The following KIAA0825 variants were observed in gnomAD, a reference collection of about 807,000 sequenced individuals.
KIAA0825 encodes the protein KIAA0825.
A neutral mutation model predicts 147.6 loss-of-function variants in KIAA0825; 119 were observed. The ratio of observed to expected loss-of-function variants is 0.81; its 90% CI spans 0.69 to 0.94. The LOEUF (loss-of-function observed/expected upper bound fraction) is 0.94. Ranked by LOEUF, KIAA0825 falls within the 40% of genes least tolerant of loss-of-function variation. The pLI is 0.00. For missense variants in KIAA0825, 1,381 were observed against 1,472.7 expected, an observed-to-expected ratio of 0.94 and a Z score of 1.02; for synonymous variants, 470 against 518.1, an observed-to-expected ratio of 0.91 and a Z score of 1.26.
At chr5:94,411,251 A>G (rs766943268) in intron 15 of KIAA0825, among the ~76,000 whole-genome samples, 121 of 152,066 alleles carry the variant, frequency 8.0e-4, no homozygotes, top group Non-Finnish European at 1.5e-3. Context: ...ACTGACAAAT[A>G]CTCAACTCAT....
intron 12 of KIAA0825, among the ~76,000 whole-genome samples, chr5:94,460,697 G>T (rs898052646): frequency 3.3e-5 from 5 of 151,996 alleles, no homozygotes; most frequent in Non-Finnish European, 7.4e-5. Flanking sequence ...CAATAAGTCA[G>T]TAGAGTTCTT....
intron 14 of KIAA0825, among the ~76,000 whole-genome samples, chr5:94,432,284 C>T (rs901889284): frequency 2.0e-5 from 3 of 152,118 alleles, no homozygotes; most frequent in African/African-American, 7.2e-5. Flanking sequence ...TAATCTCAGG[C>T]CCCACCCATG....
chr5:94,495,033 C>T (rs377027813), intron 5 of KIAA0825, among the ~76,000 whole-genome samples: 12 of 152,280 alleles, frequency 7.9e-5, no homozygotes, highest in South Asian at 4.1e-4. Flanking sequence ...AGAAGTGGCA[C>T]GTTTTTCCTC....
At chr5:94,477,230 C>A in intron 6 of KIAA0825, 25 bp from the exon 7 acceptor site, 1 of 1,361,990 alleles carries the variant, frequency 7.3e-7, no homozygotes, top group East Asian at 2.5e-5. Flanking sequence ...AGAAAACAAA[C>A]ACACTAATAT....
chr5:94,221,639 A>G (rs1773674168), intron 20 of KIAA0825, among the ~76,000 whole-genome samples: 1 of 151,976 alleles, frequency 6.6e-6, no homozygotes, highest in African/African-American at 2.4e-5. Context: ...CCATGAGTCC[A>G]CTCTGTCACA....
intron 8 of KIAA0825, among the ~76,000 whole-genome samples, 195 bp downstream of exon 8, chr5:94,473,097 A>C (rs1761421790): frequency 6.6e-6 from 1 of 152,186 alleles, no homozygotes; most frequent in Admixed American, 6.5e-5. Context: ...TGGAGCAACA[A>C]GTTAGCACCA....
At chr5:94,550,508 A>G (rs1207782534) in intron 2 of KIAA0825, among the ~76,000 whole-genome samples, 1 of 152,322 alleles carries the variant, frequency 6.6e-6, no homozygotes, top group East Asian at 1.9e-4. Context: ...AGAAATCAAC[A>G]TAGGGACATA....
chr5:94,595,105 T>C (rs913532099), intron 1 of KIAA0825, among the ~76,000 whole-genome samples: 2 of 152,168 alleles, frequency 1.3e-5, no homozygotes, highest in African/African-American at 2.4e-5. Flanking sequence ...TTCTGGGGTC[T>C]GAAGGATGGT....
At chr5:94,435,793 G>T (rs1418218988) in intron 14 of KIAA0825, among the ~76,000 whole-genome samples, 1 of 152,050 alleles carries the variant, frequency 6.6e-6, no homozygotes, top group Non-Finnish European at 1.5e-5. Flanking sequence ...GTTATTTTCT[G>T]ACTTTTTAAT....
chr5:94,562,029 G>A (rs991960704), intron 2 of KIAA0825, among the ~76,000 whole-genome samples: 2 of 152,128 alleles, frequency 1.3e-5, no homozygotes, highest in Non-Finnish European at 2.9e-5. Context: ...ATTGTGAAAG[G>A]TAGGAAGCTA....
intron 20 of KIAA0825, among the ~76,000 whole-genome samples, chr5:94,187,626 C>T (rs1210785353): frequency 6.6e-6 from 1 of 151,838 alleles, no homozygotes; most frequent in Non-Finnish European, 1.5e-5. Flanking sequence ...GGGGTTTCTC[C>T]GTGTTAGCCA....
At chr5:94,255,977 G>C (rs944084879) in intron 20 of KIAA0825, among the ~76,000 whole-genome samples, 3 of 151,882 alleles carry the variant, frequency 2.0e-5, no homozygotes, top group South Asian at 4.1e-4. Flanking sequence ...GCCTCCCAAA[G>C]TATTGGGATT....
chr5:94,482,409 C>T (rs928388576), intron 6 of KIAA0825, among the ~76,000 whole-genome samples: 5 of 152,028 alleles, frequency 3.3e-5, no homozygotes, highest in East Asian at 3.8e-4. Flanking sequence ...CAACTCTTTC[C>T]AAGATCTTTA....
chr5:94,521,487 T>G (rs1294604944), intron 4 of KIAA0825, among the ~76,000 whole-genome samples: 1 of 151,796 alleles, frequency 6.6e-6, no homozygotes, highest in Non-Finnish European at 1.5e-5. Flanking sequence ...CATTTAAAGA[T>G]TTTAACTTTC....
intron 20 of KIAA0825, among the ~76,000 whole-genome samples, chr5:94,256,600 A>G (rs1305463010): frequency 6.6e-6 from 1 of 152,192 alleles, no homozygotes; most frequent in East Asian, 1.9e-4. Flanking sequence ...TTTTTAAAGT[A>G]TTATTAATAA....
intron 3 of KIAA0825, among the ~76,000 whole-genome samples, chr5:94,535,233 A>G (rs896244100): frequency 6.6e-6 from 1 of 151,744 alleles, no homozygotes; most frequent in African/African-American, 2.4e-5. Flanking sequence ...TCATAGGCCA[A>G]GCATGGTGGC....
At chr5:94,338,184 T>C (rs561902264) in intron 20 of KIAA0825, among the ~76,000 whole-genome samples, 1 of 152,286 alleles carries the variant, frequency 6.6e-6, no homozygotes, top group Non-Finnish European at 1.5e-5. Context: ...CCATTGAAGG[T>C]TGAATTGAAT....
At chr5:94,611,542 A>G (rs184075542) in intron 1 of KIAA0825, among the ~76,000 whole-genome samples, 16 of 152,016 alleles carry the variant, frequency 1.1e-4, no homozygotes, top group Admixed American at 5.9e-4. Context: ...GAAGGATCCT[A>G]TGAAACTATA....
intron 5 of KIAA0825, chr5:94,519,401 T>C: frequency 1.1e-6 from 1 of 913,660 alleles, no homozygotes; most frequent in Non-Finnish European, 1.3e-6. Flanking sequence ...GCATAACTAA[T>C]GATAATTTTA....
Sources: gnomAD v4.1 joint callset for allele counts (sites outside exome capture counted in the v4.1 genomes callset) on GRCh38, gnomAD v4.1.1 for gene constraint, MANE v1.5 for transcripts, NCBI Gene and HGNC (gene_info 2026-07-23, HGNC 2026-07-21) for gene names.